Variants in VPS13C observed in about 807,000 individuals in gnomAD.
VPS13C encodes vacuolar protein sorting 13 homolog C.
A neutral mutation model predicts 456.8 loss-of-function variants in VPS13C; 358 were observed. The observed-to-expected ratio is 0.78, with a 90% CI of 0.72 to 0.86. VPS13C has a LOEUF of 0.86. Ranked by LOEUF, VPS13C falls within the 40% of genes least tolerant of loss-of-function variation. The probability of loss-of-function intolerance (pLI) is 0.00; values close to 1 mark genes in which losing one functional copy is unlikely to be tolerated. For missense variants in VPS13C, 4,818 were observed against 4,385.4 expected, an observed-to-expected ratio of 1.10 and a Z score of -2.79; for synonymous variants, 1,578 against 1,486.7, an observed-to-expected ratio of 1.06 and a Z score of -1.41.
chr15:61,911,444 A>G (rs1021732603), intron 63 of VPS13C, among the ~76,000 whole-genome samples: 3 of 152,220 alleles, frequency 2.0e-5, no homozygotes, highest in African/African-American at 4.8e-5. Context: ...CAGAAATTCT[A>G]TAACCACCTA....
At chr15:61,912,288 C>T (rs1341440364) in intron 62 of VPS13C, among the ~76,000 whole-genome samples, 1 of 152,028 alleles carries the variant, frequency 6.6e-6, no homozygotes, top group Non-Finnish European at 1.5e-5. Flanking sequence ...TTTAAAATTC[C>T]AAACATAAAT....
In VPS13C at chr15:61,949,522, G is replaced by C. The variant is rs911444426; in HGVS notation, c.4680C>G (p.Phe1560Leu). The C allele has an allele frequency of 3.1e-6, 5 of 1,613,752 alleles. No individual in the cohort carries two copies. The highest frequency in any genetic ancestry group is 4.2e-6 in the Non-Finnish European group (5 of 1,179,912). Residue 1560 changes from phenylalanine to leucine, a missense_variant, in exon 42 of 85, where the codon TTC (phenylalanine) becomes TTG (leucine). Phe to Leu is a conservative substitution (Grantham distance 22). Around this residue, in one of 3 missense-constraint regions of VPS13C, gnomAD observed 4,552 missense variants for 4,130.6 expected, o/e 1.10. Coordinates refer to ENST00000644861, the MANE Select transcript of VPS13C (RefSeq NM_020821.3). ...FMDFLSSAAP[F>L]SEPSSSEKES... ...CCTTCTCAGAAGAGGAAGGCTCAGA[G>C]AATGGAGCAGCAGATGATAAAAAAT...
At chr15:62,058,937 A>G (rs1401963619) in intron 1 of VPS13C, among the ~76,000 whole-genome samples, 1 of 151,932 alleles carries the variant, frequency 6.6e-6, no homozygotes, top group Non-Finnish European at 1.5e-5. Flanking sequence ...GCCAAAAAAA[A>G]AAAACAACAA....
At position 61,942,716 on chromosome 15, in the gene VPS13C, T is replaced by C. The variant is rs77240767; in HGVS notation, c.5149-649A>G. 1.0e-2 allele frequency among the ~76,000 whole-genome samples: 1,517 copies of C among 152,084 alleles called. 29 individuals are homozygous for C. Among genetic ancestry groups the C allele is most frequent in the African/African-American group, 0.035 (1,455 of 41,498 alleles). ...AGGATAAGATCATTCTCAGAAGCAATATTCTTGGTGTACATCCATTAATAT... is the reference window on the plus strand; with the variant it reads ...AGGATAAGATCATTCTCAGAAGCAACATTCTTGGTGTACATCCATTAATAT... On this transcript the variant is annotated intron_variant, in intron 45 of 84. Coordinates refer to ENST00000644861, the MANE Select transcript of VPS13C (RefSeq NM_020821.3).
At chr15:61,936,854 T>A in intron 47 of VPS13C, 104 bp from the exon 48 acceptor site, 2 of 1,196,176 alleles carry the variant, frequency 1.7e-6, no homozygotes, top group Non-Finnish European at 2.3e-6. Context: ...TTCACCTACT[T>A]AAAAAGAAGA....
chr15:61,896,524 G>A lies in VPS13C; in HGVS notation c.9106-6124C>T, dbSNP rs978808639. Among the ~76,000 whole-genome samples, 3 of 152,268 alleles carry A rather than the reference G, an allele frequency of 2.0e-5. No individual in the cohort carries two copies. The South Asian group carries it at 6.2e-4, about 32-fold the overall frequency. ...CTGGAAAATCGGGTCACTCCCACCT[G>A]AATACTGCGCTTTTCCGACGGGCTT... On this transcript the variant is annotated intron_variant, in intron 66 of 84. Coordinates refer to ENST00000644861, the MANE Select transcript of VPS13C (RefSeq NM_020821.3).
At chr15:61,909,333 G>A (rs961765978) in intron 64 of VPS13C, among the ~76,000 whole-genome samples, 9 of 152,082 alleles carry the variant, frequency 5.9e-5, no homozygotes, top group South Asian at 2.1e-4. Context: ...CCAGCCTTCC[G>A]AATAGCTGGG....
intron 44 of VPS13C, 52 bp downstream of exon 44, chr15:61,946,255 C>T (rs1304731336): frequency 1.4e-6 from 2 of 1,395,152 alleles, no homozygotes; most frequent in Non-Finnish European, 2.0e-6. Context: ...AATAGCATCT[C>T]AAATCCAAAA....
intron 12 of VPS13C, 133 bp from the exon 13 acceptor site, chr15:62,010,732 C>G: frequency 2.1e-6 from 2 of 959,858 alleles, no homozygotes; most frequent in Non-Finnish European, 2.8e-6. Flanking sequence ...AAATCACTAC[C>G]AAAAAATATT....
intron 18 of VPS13C, among the ~76,000 whole-genome samples, chr15:61,990,618 C>T (rs992482314): frequency 2.6e-5 from 4 of 152,046 alleles, no homozygotes; most frequent in African/African-American, 9.7e-5. Flanking sequence ...TGAAACCAGC[C>T]TGGTCAACAT....
intron 81 of VPS13C, chr15:61,866,459 G>A (rs940221175): frequency 1.0e-6 from 1 of 984,180 alleles, no homozygotes; most frequent in Non-Finnish European, 1.2e-6. Context: ...AGTTACAGGG[G>A]TTCTTAAAAG....
At chr15:61,950,554 TC>T in intron 40 of VPS13C, 137 bp from the exon 41 acceptor site, 3 of 642,248 alleles carry the variant, frequency 4.7e-6, no homozygotes, top group Non-Finnish European at 7.4e-6. Flanking sequence ...AGAAAGCCAT[TC>T]AAAAAAAAAA....
At position 61,982,498 on chromosome 15, in the gene VPS13C, A is replaced by G; in HGVS notation, c.1990T>C (p.Leu664=). The G allele has an allele frequency of 6.2e-7, 1 of 1,609,280 alleles. No homozygotes were observed. The highest frequency in any genetic ancestry group is 8.5e-7 in the Non-Finnish European group (1 of 1,178,396). Residue 664 remains leucine, a synonymous_variant, in exon 21 of 85, where the codon TTG becomes CTG. Coordinates refer to ENST00000644861, the MANE Select transcript of VPS13C (RefSeq NM_020821.3). The part of the protein sequence containing the change: ...LDLEQITSAT[L]MKLEEIKERT... ...TCCTTAATTTCTTCCAGCTTCATCA[A>G]TGTTGCTGATGTTATTTGCTCAAGA... is the stretch of plus-strand genomic sequence containing the variant.
At chr15:62,003,996 C>G (rs1045115803) in intron 15 of VPS13C, among the ~76,000 whole-genome samples, 3 of 151,974 alleles carry the variant, frequency 2.0e-5, no homozygotes, top group African/African-American at 7.3e-5. Context: ...TTGGTTGTGT[C>G]TCTGCCAGGC....
chr15:62,003,094 G>A (rs1365365999), intron 15 of VPS13C, among the ~76,000 whole-genome samples: 1 of 152,048 alleles, frequency 6.6e-6, no homozygotes, highest in Non-Finnish European at 1.5e-5. Context: ...CATTGAATCT[G>A]TAAATTACCT....
Position 61,880,873 on chromosome 15 carries a change from T to C in VPS13C, c.9858A>G (p.Pro3286=). The change falls in exon 72 of 85, where the codon CCA becomes CCG. Residue 3286 remains proline (P), a synonymous_variant. Coordinates refer to ENST00000644861, the MANE Select transcript of VPS13C (RefSeq NM_020821.3). ...TTCTTTCAGCTTCAGGGTCTGTTGT[T>C]GGGGTAAACAGTGCAATAATAGCTC... ...FLGAIIALFT[P]TTDPEAERRR... is the part of the protein sequence containing the mutation. 1 of 1,605,666 alleles carries C rather than the reference T, an allele frequency of 6.2e-7. No homozygotes were observed. The highest frequency in any genetic ancestry group is 8.5e-7 in the Non-Finnish European group (1 of 1,177,366).
In VPS13C at chr15:61,919,457, A is replaced by T. The variant is rs1387858329; in HGVS notation, c.7478-8T>A. Reference sequence around the variant, plus strand: ...CTGTATATCCATGAGGTACTAAGGCAGTGCATAAGTGAAAAGAATTCCAAA... The same window carrying T: ...CTGTATATCCATGAGGTACTAAGGCTGTGCATAAGTGAAAAGAATTCCAAA... On this transcript the variant is annotated splice_polypyrimidine_tract_variant and splice_region_variant and intron_variant, in intron 57 of 84. Coordinates refer to ENST00000644861, the MANE Select transcript of VPS13C (RefSeq NM_020821.3). 1 of 1,488,954 alleles carries T rather than the reference A, an allele frequency of 6.7e-7. No individual in the cohort carries two copies. 92.2% of individuals were successfully genotyped at this position (1,488,954 alleles called of 1,614,324 possible). A position where few individuals can be genotyped will look rare whatever the true frequency, so the allele number is the denominator to read the frequency against.
Position 61,978,756 on chromosome 15 carries a change from T to C in VPS13C, c.2167-7A>G. ...CTTGATCTTTACTGTTGAGCTAAAA[T>C]GAAGGACAAATTTCAATTTTTTTTT... On this transcript the variant is annotated splice_region_variant and splice_polypyrimidine_tract_variant and intron_variant, in intron 22 of 84. Transcript: ENST00000644861. The C allele has an allele frequency of 1.9e-6, 3 of 1,575,718 alleles. No homozygotes were observed. Among genetic ancestry groups the C allele is most frequent in the African/African-American group, 1.4e-5 (1 of 72,666 alleles).
intron 1 of VPS13C, among the ~76,000 whole-genome samples, chr15:62,054,772 T>G (rs2048734373): frequency 6.6e-6 from 1 of 151,892 alleles, no homozygotes; most frequent in South Asian, 2.1e-4. Context: ...AGAAGAATAT[T>G]AATACCTCTA....
Sources: allele counts gnomAD v4.1 joint callset (sites outside exome capture counted in the v4.1 genomes callset), GRCh38; gene constraint gnomAD v4.1.1; regional missense constraint gnomAD v4.1.1; transcripts MANE v1.5; gene names NCBI Gene and HGNC (gene_info 2026-07-23, HGNC 2026-07-21).